Variants in SVOPL observed in about 807,000 individuals in gnomAD.
The protein encoded by SVOPL is SVOP like, also known as putative transporter SVOPL.
A neutral mutation model predicts 61.0 loss-of-function variants in SVOPL; 60 were observed. The observed-to-expected ratio is 0.98, with a 90% CI of 0.80 to 1.22. The LOEUF (loss-of-function observed/expected upper bound fraction) is 1.22, where lower values mean the gene tolerates loss of function less well. SVOPL is among the 50% of genes most tolerant of loss of function. SVOPL has a pLI of 0.00. For synonymous variants in SVOPL, 279 were observed against 250.0 expected (o/e 1.12, Z -1.09); for missense variants, 662 against 643.9 (o/e 1.03, Z -0.30).
intron 6 of SVOPL, 42 bp downstream of exon 6, chr7:138,659,822 G>T (rs1009893345): frequency 1.3e-6 from 2 of 1,539,310 alleles, no homozygotes; most frequent in East Asian, 4.9e-5. Flanking sequence ...GCCTGCAGGG[G>T]TACACGTTTC....
intron 14 of SVOPL, among the ~76,000 whole-genome samples, chr7:138,609,940 G>C (rs971548676): frequency 6.6e-6 from 1 of 152,054 alleles, no homozygotes; most frequent in Non-Finnish European, 1.5e-5. Context: ...TGTTGGCCAG[G>C]CTGGTTTCTA....
chr7:138,659,715 T>C, intron 6 of SVOPL, 149 bp downstream of exon 6: 1 of 810,442 alleles, frequency 1.2e-6, no homozygotes, highest in Non-Finnish European at 1.9e-6. Context: ...TCCTTAACTT[T>C]GGCAAAAATA....
intron 14 of SVOPL, among the ~76,000 whole-genome samples, chr7:138,597,642 G>A (rs548406681): frequency 8.6e-4 from 34 of 39,464 alleles, no homozygotes; most frequent in South Asian, 2.9e-3. Context: ...TAACGTCTGC[G>A]TGTGTGTGTG....
intron 9 of SVOPL, 77 bp from the exon 10 acceptor site, chr7:138,630,199 TAGA>T: frequency 1.6e-6 from 2 of 1,250,656 alleles, no homozygotes; most frequent in East Asian, 2.3e-5. Context: ...TTTTCGATCA[TAGA>T]AGATGAGAAT....
chr7:138,596,270 C>T, intron 15 of SVOPL, 147 bp downstream of exon 15: 1 of 628,332 alleles, frequency 1.6e-6, no homozygotes, highest in South Asian at 2.4e-5. Context: ...AAAACAAAGT[C>T]CTTGTTATTC....
chr7:138,682,904 G>A (rs1802728702), intron 1 of SVOPL, among the ~76,000 whole-genome samples: 1 of 147,546 alleles, frequency 6.8e-6, no homozygotes, highest in South Asian at 2.1e-4. Flanking sequence ...GGAGATGGAG[G>A]TTGCTGTAAG....
chr7:138,697,953 A>G (rs577458695), intron 1 of SVOPL, among the ~76,000 whole-genome samples: 2 of 152,214 alleles, frequency 1.3e-5, no homozygotes, highest in South Asian at 4.1e-4. Context: ...TGCCAACTAA[A>G]TTAACAAACA....
chr7:138,634,047 C>G (rs1395780985), intron 9 of SVOPL, among the ~76,000 whole-genome samples: 1 of 152,176 alleles, frequency 6.6e-6, no homozygotes, highest in Non-Finnish European at 1.5e-5. Flanking sequence ...GTCAGAAGAG[C>G]CTTTCCCATG....
At chr7:138,600,731 A>G (rs900315208) in intron 14 of SVOPL, among the ~76,000 whole-genome samples, 1 of 152,184 alleles carries the variant, frequency 6.6e-6, no homozygotes, top group African/African-American at 2.4e-5. Context: ...AGGTATATGA[A>G]AATGTGCTCA....
intron 4 of SVOPL, 81 bp downstream of exon 4, chr7:138,671,938 G>T: frequency 7.7e-7 from 1 of 1,294,000 alleles, no homozygotes; most frequent in Non-Finnish European, 1.1e-6. Flanking sequence ...GACACCCTTT[G>T]GCTCTCAGCC....
chr7:138,635,786 T>A lies in SVOPL; in HGVS notation c.790-5664A>T, dbSNP rs186786964. On this transcript the variant is annotated intron_variant, in intron 9 of 15. Transcript: ENST00000674285. ...GCTTCTTCAACCAATTCATAAGGAA[T>A]CCTATCAAAATGGGTGCCATTTAGC... 2.0e-5 allele frequency among the ~76,000 whole-genome samples: 3 copies of A among 152,162 alleles called. No homozygotes were observed. In the East Asian group the frequency reaches 5.8e-4, roughly 29 times the overall value.
At chr7:138,634,130 C>A (rs1428911230) in intron 9 of SVOPL, among the ~76,000 whole-genome samples, 2 of 152,234 alleles carry the variant, frequency 1.3e-5, no homozygotes, top group South Asian at 4.1e-4. Flanking sequence ...GTTATGCATT[C>A]ATTCCCTGCC....
intron 1 of SVOPL, among the ~76,000 whole-genome samples, chr7:138,698,801 C>T (rs1310368225): frequency 1.3e-5 from 2 of 151,344 alleles, no homozygotes; most frequent in Admixed American, 6.6e-5. Flanking sequence ...GCAAAGCCAT[C>T]GAACAAATTT....
At chr7:138,613,065 G>A (rs1799124945) in intron 14 of SVOPL, among the ~76,000 whole-genome samples, 1 of 151,898 alleles carries the variant, frequency 6.6e-6, no homozygotes, top group African/African-American at 2.4e-5. Flanking sequence ...TGTCAGCCAG[G>A]CTGGAGTGCA....
chr7:138,664,072 C>G (rs770885878), intron 4 of SVOPL: 4 of 361,678 alleles, frequency 1.1e-5, no homozygotes, highest in Non-Finnish European at 1.5e-5. Context: ...CCCTGTTTGA[C>G]AGACTGCAGA....
chr7:138,668,160 G>A (rs1368750998), intron 4 of SVOPL, among the ~76,000 whole-genome samples: 7 of 152,010 alleles, frequency 4.6e-5, no homozygotes, highest in Non-Finnish European at 7.4e-5. Flanking sequence ...CTCACTCAGC[G>A]CAAGAGGAAA....
At chr7:138,680,654 C>T (rs1802680863) in intron 1 of SVOPL, among the ~76,000 whole-genome samples, 1 of 152,072 alleles carries the variant, frequency 6.6e-6, no homozygotes, top group Non-Finnish European at 1.5e-5. Flanking sequence ...TCTCGGCTCA[C>T]TGCAAGCTCT....
At chr7:138,594,868 GTATACATA>G (rs1443191295) in intron 15 of SVOPL, among the ~76,000 whole-genome samples, 12 of 151,096 alleles carry the variant, frequency 7.9e-5, no homozygotes. Context: ...ACATTTATAT[GTATACATA>G]TATACATACA....
At chr7:138,696,106 T>C (rs1363925559) in intron 1 of SVOPL, among the ~76,000 whole-genome samples, 1 of 152,124 alleles carries the variant, frequency 6.6e-6, no homozygotes, top group East Asian at 1.9e-4. Context: ...AGAAAGACTG[T>C]TTTCCTTCAC....
Sources: gnomAD v4.1 joint callset for allele counts (sites outside exome capture counted in the v4.1 genomes callset) on GRCh38, gnomAD v4.1.1 for gene constraint, MANE v1.5 for transcripts, NCBI Gene and HGNC (gene_info 2026-07-23, HGNC 2026-07-21) for gene names.